Variants in LPP observed in about 807,000 individuals in gnomAD.
The protein encoded by LPP is LIM domain containing preferred translocation partner in lipoma, also known as lipoma-preferred partner.
Under a neutral mutation model 60.4 loss-of-function variants are expected in LPP, and 38 were observed. The ratio of observed to expected loss-of-function variants is 0.63; its 90% CI spans 0.49 to 0.83. LPP has a LOEUF of 0.83. Ranked by LOEUF, LPP falls within the 40% of genes least tolerant of loss-of-function variation. LPP has a pLI of 0.00. For missense variants in LPP, 902 were observed against 783.6 expected, an observed-to-expected ratio of 1.15 and a Z score of -1.80; for synonymous variants, 328 against 290.8, an observed-to-expected ratio of 1.13 and a Z score of -1.30.
chr3:188,681,813 T>C (rs1859589984), intron 7 of LPP, among the ~76,000 whole-genome samples: 1 of 152,342 alleles, frequency 6.6e-6, no homozygotes, highest in South Asian at 2.1e-4. Context: ...ACTATCCTGA[T>C]ATTGTTTGCA....
At chr3:188,488,932 C>T (rs1418808027) in intron 5 of LPP, among the ~76,000 whole-genome samples, 3 of 152,128 alleles carry the variant, frequency 2.0e-5, no homozygotes, top group East Asian at 1.9e-4. Context: ...CCACCGCGCC[C>T]GGCCAGTTAG....
chr3:188,780,293 A>G (rs1007901990), intron 9 of LPP, among the ~76,000 whole-genome samples: 1 of 152,152 alleles, frequency 6.6e-6, no homozygotes, highest in Non-Finnish European at 1.5e-5. Context: ...GAGAACAACA[A>G]TTTTTTTGGA....
Position 188,708,333 on chromosome 3 carries a change from G to A in LPP, c.1180G>A (p.Glu394Lys). ...TTCATTCCGCCCAGAGGATGAGCTT[G>A]AGCACCTGACCAAAAAGATGCTGTA... is the stretch of plus-strand genomic sequence containing the variant. ...APSFRPEDELEHLTKKMLYDM... is the reference protein window; with the variant it reads ...APSFRPEDELKHLTKKMLYDM... Residue 394 changes from glutamate to lysine, a missense_variant, in exon 8 of 12, where the codon GAG becomes AAG. Physicochemically the swap from Glu to Lys is moderately conservative, Grantham distance 56. Coordinates refer to ENST00000617246, the MANE Select transcript of LPP (RefSeq NM_001375462.1). 6.2e-7 allele frequency: 1 copy of A among 1,614,158 alleles called. No homozygotes were observed. Among genetic ancestry groups the A allele is most frequent in the Non-Finnish European group, 8.5e-7 (1 of 1,180,008 alleles).
intron 5 of LPP, among the ~76,000 whole-genome samples, chr3:188,515,197 G>A (rs2150075927): frequency 6.6e-6 from 1 of 152,182 alleles, no homozygotes; most frequent in East Asian, 1.9e-4. Flanking sequence ...AATCTCTTAT[G>A]GGGGTTTAGT....
chr3:188,825,375 G>A (rs761795488), intron 9 of LPP, among the ~76,000 whole-genome samples: 1 of 149,270 alleles, frequency 6.7e-6, no homozygotes, highest in Non-Finnish European at 1.5e-5. Context: ...TCAGAAGGAG[G>A]TACTGTGAAG....
Position 188,254,761 on chromosome 3 carries a change from T to C in LPP, c.-67+29234T>C, listed in dbSNP as rs1052627642. Among the ~76,000 whole-genome samples, 6 of 152,162 alleles carry C rather than the reference T, an allele frequency of 3.9e-5. No individual in the cohort carries two copies. In the South Asian group the frequency reaches 1.0e-3, roughly 26 times the overall value. The stretch of plus-strand genomic sequence containing the variant: ...CTCTCCTCGGGTGAAAGATGTGGCA[T>C]GTGGAACTGAACGATCAAAATCACT... On this transcript the variant is annotated intron_variant, in intron 2 of 11. Coordinates refer to ENST00000617246, the MANE Select transcript of LPP (RefSeq NM_001375462.1).
intron 8 of LPP, chr3:188,710,150 A>T (rs144589547): frequency 2.2e-4 from 33 of 152,324 alleles, no homozygotes; most frequent in African/African-American, 7.7e-4. Flanking sequence ...TTTTGCTCCT[A>T]TATGGGAATA....
At chr3:188,814,274 A>G (rs1751882777) in intron 9 of LPP, among the ~76,000 whole-genome samples, 1 of 152,192 alleles carries the variant, frequency 6.6e-6, no homozygotes, top group Non-Finnish European at 1.5e-5. Context: ...CTAAGACAGT[A>G]TGCATTACAA....
At chr3:188,471,949 G>A (rs931565153) in intron 4 of LPP, among the ~76,000 whole-genome samples, 9 of 152,130 alleles carry the variant, frequency 5.9e-5, no homozygotes, top group Non-Finnish European at 1.0e-4. Context: ...TTATTTTGAA[G>A]TGACTATTAT....
chr3:188,617,210 G>T (rs4686984), intron 7 of LPP, among the ~76,000 whole-genome samples: 31,618 of 151,990 alleles, frequency 0.21, 3,606 homozygotes, highest in South Asian at 0.38. Flanking sequence ...ACATAGAAGC[G>T]ATTTTCAGAA....
rs576986652 is a variant in LPP, at chr3:188,401,006, C to A, written c.-9-5106C>A. 2.3e-3 allele frequency among the ~76,000 whole-genome samples: 357 copies of A among 152,218 alleles called. 2 individuals carry two copies. The highest frequency in any genetic ancestry group is 2.3e-3 in the Non-Finnish European group (159 of 68,008). ...TAATGAAGATTTTAGAGAAAGAAAGCACTCTAAAATATTAGAGCTGATTGG... is the reference window on the plus strand; with the variant it reads ...TAATGAAGATTTTAGAGAAAGAAAGAACTCTAAAATATTAGAGCTGATTGG... On this transcript the variant is annotated intron_variant, in intron 3 of 11. Transcript: ENST00000617246.
intron 7 of LPP, among the ~76,000 whole-genome samples, chr3:188,632,690 A>C (rs1387537870): frequency 6.6e-6 from 1 of 152,192 alleles, no homozygotes; most frequent in East Asian, 1.9e-4. Flanking sequence ...AAGTCACCAG[A>C]AAAGGGCTTA....
At chr3:188,530,210 A>G (rs1821787571) in intron 6 of LPP, among the ~76,000 whole-genome samples, 1 of 152,232 alleles carries the variant, frequency 6.6e-6, no homozygotes, top group Admixed American at 6.5e-5. Context: ...AAGGGCTTTC[A>G]TTGTTAGAAA....
intron 6 of LPP, among the ~76,000 whole-genome samples, chr3:188,527,651 C>A (rs1261687920): frequency 6.6e-6 from 1 of 152,072 alleles, no homozygotes; most frequent in African/African-American, 2.4e-5. Flanking sequence ...TCCACCCAAG[C>A]AAATGCCCCA....
At chr3:188,827,377 G>A (rs1018913044) in intron 9 of LPP, among the ~76,000 whole-genome samples, 12 of 152,116 alleles carry the variant, frequency 7.9e-5, no homozygotes, top group South Asian at 4.1e-4. Flanking sequence ...GACCCCATAC[G>A]TTTAAGTCCC....
intron 2 of LPP, among the ~76,000 whole-genome samples, chr3:188,232,504 A>ATTTTTTTTTTTTTTTTTT (rs71634069): frequency 1.1e-4 from 11 of 103,234 alleles, no homozygotes; most frequent in African/African-American, 1.4e-4. Flanking sequence ...ACACCCGGCT[A>ATTTTTTTTTTTTTTTTTT]TTTTTTTTTT....
rs185037498 is a variant in LPP at position 188,317,697 on chromosome 3, T to C, written c.-66-23966T>C. Among the ~76,000 whole-genome samples the C allele has an allele frequency of 1.1e-4, 16 of 152,192 alleles. 1 individual carries two copies. The East Asian group carries it at 3.1e-3, about 29-fold the overall frequency. On this transcript the variant is annotated intron_variant, in intron 2 of 11. Transcript: ENST00000617246. ...TGTGAGAGCTGGGAAGGTAGACTGT[T>C]GTATTGGGCAGGGTCAGGGCAGATA...
At chr3:188,342,198 A>T (rs1022773485) in intron 3 of LPP, among the ~76,000 whole-genome samples, 3 of 152,308 alleles carry the variant, frequency 2.0e-5, no homozygotes, top group South Asian at 4.1e-4. Context: ...TTAGCTGCCA[A>T]ACAAAATCAT....
chr3:188,559,891 A>T (rs1264860976), intron 6 of LPP, among the ~76,000 whole-genome samples: 1 of 152,024 alleles, frequency 6.6e-6, no homozygotes, highest in Non-Finnish European at 1.5e-5. Flanking sequence ...CTTTTCACAT[A>T]GCAGCTTTCC....
Sources: allele counts gnomAD v4.1 joint callset (sites outside exome capture counted in the v4.1 genomes callset), GRCh38; gene constraint gnomAD v4.1.1; transcripts MANE v1.5; gene names NCBI Gene and HGNC (gene_info 2026-07-23, HGNC 2026-07-21).